THADA: variants seen among roughly 807,000 people sequenced by gnomAD.
THADA encodes tRNA (32-2'-O)-methyltransferase regulator THADA.
In THADA, 213 loss-of-function variants were observed where a neutral mutation model predicts 219.8. The ratio of observed to expected loss-of-function variants is 0.97; its 90% CI spans 0.87 to 1.09. The LOEUF (loss-of-function observed/expected upper bound fraction) is 1.09, where lower values mean the gene tolerates loss of function less well. THADA is among the 50% of genes least tolerant of loss of function. The pLI, the probability that THADA is intolerant of heterozygous loss-of-function variation, is 0.00. For synonymous variants in THADA, 1,018 were observed against 828.9 expected, an observed-to-expected ratio of 1.23 and a Z score of -3.92; for missense variants, 2,956 against 2,311.3, an observed-to-expected ratio of 1.28 and a Z score of -5.72.
chr2:43,453,366 G>C (rs1046453293), intron 26 of THADA, among the ~76,000 whole-genome samples: 1 of 152,184 alleles, frequency 6.6e-6, no homozygotes, highest in African/African-American at 2.4e-5. Flanking sequence ...TCAACAGATT[G>C]GCTGGATTTC....
chr2:43,507,281 G>A (rs1689797331), intron 23 of THADA, among the ~76,000 whole-genome samples: 1 of 152,150 alleles, frequency 6.6e-6, no homozygotes. Context: ...TTCTTGCCAA[G>A]GCTAGGGTAA....
intron 7 of THADA, among the ~76,000 whole-genome samples, chr2:43,582,317 C>T (rs866706628): frequency 5.3e-5 from 8 of 151,776 alleles, no homozygotes; most frequent in Non-Finnish European, 2.9e-5. Context: ...GCCAACATGG[C>T]GAAACCATGT....
Position 43,591,965 on chromosome 2 carries a change from T to G in THADA, c.158A>C (p.His53Pro), listed in dbSNP as rs1366580296. 1 of 1,545,888 alleles carries G rather than the reference T, an allele frequency of 6.5e-7. No homozygotes were observed. Residue 53 changes from histidine (H) to proline (P), a missense_variant, in exon 3 of 38, where the codon CAT becomes CCT. By Grantham distance (77) the His-to-Pro change is moderately conservative (BLOSUM62 -2). Coordinates refer to ENST00000405975, the MANE Select transcript of THADA (RefSeq NM_022065.5). The stretch of plus-strand genomic sequence containing the variant: ...ATTCAGACTTACCTGTTTAATATAA[T>G]GGATTTGTGACACTCCATCCGTGAG... ...VQLTDGVSQI[H>P]YIKQIVPLLE...
intron 36 of THADA, among the ~76,000 whole-genome samples, chr2:43,273,314 G>C (rs1672347840): frequency 6.6e-6 from 1 of 151,862 alleles, no homozygotes; most frequent in Non-Finnish European, 1.5e-5. Context: ...AGGCAAATAA[G>C]TTTAACTCAT....
chr2:43,300,953 A>G (rs1343820515), intron 31 of THADA, among the ~76,000 whole-genome samples: 1 of 152,204 alleles, frequency 6.6e-6, no homozygotes, highest in Non-Finnish European at 1.5e-5. Flanking sequence ...TCACAGGTGA[A>G]GCTGCTGCTG....
intron 36 of THADA, among the ~76,000 whole-genome samples, chr2:43,278,816 C>A (rs1033021874): frequency 2.0e-5 from 3 of 152,220 alleles, no homozygotes; most frequent in African/African-American, 7.2e-5. Context: ...GCCACAGTAA[C>A]TGATGAGGGG....
intron 27 of THADA, among the ~76,000 whole-genome samples, 170 bp from the exon 28 acceptor site, chr2:43,428,401 A>G (rs1678782155): frequency 6.6e-6 from 1 of 152,178 alleles, no homozygotes; most frequent in African/African-American, 2.4e-5. Context: ...TGAGGTCAGG[A>G]GTTCAAGACC....
At chr2:43,544,039 A>G (rs1379176344) in intron 20 of THADA, among the ~76,000 whole-genome samples, 1 of 152,122 alleles carries the variant, frequency 6.6e-6, no homozygotes, top group Non-Finnish European at 1.5e-5. Context: ...GTCTTGAATT[A>G]ATTTTTGTAT....
At chr2:43,350,422 AC>A (rs1419338784) in intron 29 of THADA, among the ~76,000 whole-genome samples, 1 of 152,236 alleles carries the variant, frequency 6.6e-6, no homozygotes, top group Non-Finnish European at 1.5e-5. Flanking sequence ...AAGGTCTCTA[AC>A]AATACAGTAT....
rs116682248 is a variant in THADA, at chr2:43,272,367, G to A, written c.5296+7398C>T. ...TGAAGAAGTGAGCCTGAATTGCAAC[G>A]AACAAAAATAGAGGCAGGAAGACCA... On this transcript the variant is annotated intron_variant, in intron 36 of 37. Coordinates refer to ENST00000405975, the MANE Select transcript of THADA (RefSeq NM_022065.5). 2.4e-3 allele frequency among the ~76,000 whole-genome samples: 372 copies of A among 152,284 alleles called. 1 individual carries two copies. Among genetic ancestry groups the A allele is most frequent in the Non-Finnish European group, 4.0e-3 (274 of 68,018 alleles).
At chr2:43,370,535 A>T (rs970530147) in intron 29 of THADA, among the ~76,000 whole-genome samples, 3 of 152,226 alleles carry the variant, frequency 2.0e-5, no homozygotes, top group Non-Finnish European at 4.4e-5. Context: ...ATCATTCTAG[A>T]TTAAAATATA....
At chr2:43,279,310 C>G (rs144902714) in intron 36 of THADA, among the ~76,000 whole-genome samples, 1 of 152,080 alleles carries the variant, frequency 6.6e-6, no homozygotes, top group African/African-American at 2.4e-5. Flanking sequence ...AGAAACTTAA[C>G]GTACACATAA....
intron 22 of THADA, among the ~76,000 whole-genome samples, chr2:43,525,736 G>C (rs1264539734): frequency 6.6e-6 from 1 of 152,168 alleles, no homozygotes; most frequent in South Asian, 2.1e-4. Flanking sequence ...AAATTGTTGA[G>C]ATACAAAACC....
chr2:43,371,296 A>T (rs1670772325), intron 29 of THADA, among the ~76,000 whole-genome samples: 2 of 152,326 alleles, frequency 1.3e-5, no homozygotes, highest in Middle Eastern at 6.8e-3. Flanking sequence ...AAAATTTTTT[A>T]AAAGTAGCAA....
chr2:43,477,243 TGAGA>T (rs372274663), intron 26 of THADA, among the ~76,000 whole-genome samples: 19 of 148,392 alleles, frequency 1.3e-4, no homozygotes, highest in Admixed American at 4.7e-4. Flanking sequence ...ATATGTTCTT[TGAGA>T]GAGAGAGAGA....
At chr2:43,269,105 AGAG>A in intron 36 of THADA, among the ~76,000 whole-genome samples, 3 of 152,344 alleles carry the variant, frequency 2.0e-5, no homozygotes, top group Admixed American at 2.0e-4. Flanking sequence ...AAAGCACAGA[AGAG>A]GAGAGCCGAG....
intron 31 of THADA, among the ~76,000 whole-genome samples, chr2:43,299,730 A>G (rs1366596697): frequency 6.7e-6 from 1 of 149,226 alleles, no homozygotes; most frequent in Non-Finnish European, 1.5e-5. Context: ...TGTTACTAAT[A>G]AAAGCTGAAA....
At position 43,469,059 on chromosome 2, in the gene THADA, C is replaced by G. The variant is rs529331005; in HGVS notation, c.3836+16175G>C. On this transcript the variant is annotated intron_variant, in intron 26 of 37. Transcript: ENST00000405975. ...ATACAAGGGAGTATGAGCCCCGGAC[C>G]CTGTCCTCAAGCAAGTTGGTCAGGT... Among the ~76,000 whole-genome samples, 163 of 152,148 alleles carry G rather than the reference C, an allele frequency of 1.1e-3. 1 individual carries two copies. Among genetic ancestry groups the G allele is most frequent in the African/African-American group, 3.9e-3 (160 of 41,496 alleles).
chr2:43,485,987 G>C (rs1686874982), intron 25 of THADA, among the ~76,000 whole-genome samples: 1 of 151,946 alleles, frequency 6.6e-6, no homozygotes, highest in Non-Finnish European at 1.5e-5. Context: ...AGAAGGCTCA[G>C]GCAGGAGGAT....
Sources: allele counts gnomAD v4.1 joint callset (sites outside exome capture counted in the v4.1 genomes callset), GRCh38; gene constraint gnomAD v4.1.1; transcripts MANE v1.5; gene names NCBI Gene and HGNC (gene_info 2026-07-23, HGNC 2026-07-21).